Variants in LAMA2 observed in about 807,000 individuals in gnomAD.
LAMA2 encodes laminin subunit alpha 2, also known as laminin subunit alpha-2.
LAMA2 carries 269 observed loss-of-function variants against 364.8 expected under a neutral mutation model. The observed-to-expected ratio is 0.74, with a 90% CI of 0.67 to 0.82. LAMA2 has a LOEUF of 0.82. Ranked by LOEUF, LAMA2 falls within the 40% of genes least tolerant of loss-of-function variation. LAMA2 has a pLI of 0.00. For synonymous variants in LAMA2, 1,379 were observed against 1,370.6 expected, an observed-to-expected ratio of 1.01 and a Z score of -0.14; for missense variants, 3,807 against 3,873.2, an observed-to-expected ratio of 0.98 and a Z score of 0.45.
chr6:128,935,970 C>T (rs2114528297), intron 1 of LAMA2, among the ~76,000 whole-genome samples: 1 of 152,242 alleles, frequency 6.6e-6, no homozygotes, highest in Non-Finnish European at 1.5e-5. Flanking sequence ...ATCATGGAGG[C>T]CAGTTTCCCC....
chr6:128,954,609 C>A (rs772553441), intron 1 of LAMA2, among the ~76,000 whole-genome samples: 1 of 151,918 alleles, frequency 6.6e-6, no homozygotes, highest in Non-Finnish European at 1.5e-5. Flanking sequence ...TTCCTTGATT[C>A]AATTTCTACT....
chr6:129,139,077 G>A (rs779483598), intron 4 of LAMA2, among the ~76,000 whole-genome samples: 4 of 152,116 alleles, frequency 2.6e-5, no homozygotes, highest in Non-Finnish European at 5.9e-5. Context: ...AAGGACGTTG[G>A]TGACTTTCCC....
At chr6:129,131,649 C>A (rs1183937333) in intron 4 of LAMA2, among the ~76,000 whole-genome samples, 2 of 152,204 alleles carry the variant, frequency 1.3e-5, no homozygotes, top group African/African-American at 4.8e-5. Context: ...TCGAGGTGCA[C>A]AGAGCCAACA....
chr6:128,951,884 A>G (rs1413630277), intron 1 of LAMA2, among the ~76,000 whole-genome samples: 1 of 152,194 alleles, frequency 6.6e-6, no homozygotes, highest in Admixed American at 6.5e-5. Flanking sequence ...CAGGCCAGGT[A>G]TGGTGGCTCA....
intron 1 of LAMA2, among the ~76,000 whole-genome samples, chr6:129,021,776 T>A (rs1785467087): frequency 6.6e-6 from 1 of 152,176 alleles, no homozygotes; most frequent in Non-Finnish European, 1.5e-5. Flanking sequence ...GGGAAGAAAG[T>A]CAGAAAAGCT....
intron 1 of LAMA2, chr6:128,929,636 T>C: frequency 7.1e-7 from 1 of 1,412,654 alleles, no homozygotes; most frequent in Non-Finnish European, 1.0e-6. Flanking sequence ...TGCTCAAATA[T>C]GGAATAGTGA....
At chr6:129,055,056 G>C (rs1788373069) in intron 2 of LAMA2, among the ~76,000 whole-genome samples, 1 of 150,956 alleles carries the variant, frequency 6.6e-6, no homozygotes. Context: ...AACCAAAAAT[G>C]AATCAATTAT....
chr6:128,978,613 G>A (rs1445981945), intron 1 of LAMA2, among the ~76,000 whole-genome samples: 1 of 152,056 alleles, frequency 6.6e-6, no homozygotes, highest in African/African-American at 2.4e-5. Flanking sequence ...ACCATGCCCG[G>A]TCAGTACCTG....
Position 129,503,430 on chromosome 6 carries a change from A to G in LAMA2, c.8547+150A>G, listed in dbSNP as rs548613631. ...ATAAGTGCCATATACAACTACCACA[A>G]TCTTGGAAAATGTGCTCAGACCTGT... On this transcript the variant is annotated intron_variant, in intron 60 of 64. Transcript: ENST00000421865. The G allele has an allele frequency of 1.3e-4, 96 of 750,310 alleles. 2 individuals carry two copies. The South Asian group carries it at 1.3e-3, about 10-fold the overall frequency. 46.5% of individuals were successfully genotyped at this position (750,310 alleles called of 1,614,324 possible).
chr6:128,910,163 C>A (rs1432516540), intron 1 of LAMA2, among the ~76,000 whole-genome samples: 1 of 152,044 alleles, frequency 6.6e-6, no homozygotes, highest in Non-Finnish European at 1.5e-5. Flanking sequence ...CTCTGTATTT[C>A]CTGAATCTGA....
At chr6:129,010,700 T>C (rs1308974156) in intron 1 of LAMA2, among the ~76,000 whole-genome samples, 4 of 152,212 alleles carry the variant, frequency 2.6e-5, no homozygotes, top group Non-Finnish European at 5.9e-5. Flanking sequence ...ATTACTTTAT[T>C]ATTTGTCGTG....
At chr6:128,975,009 G>A (rs900608776) in intron 1 of LAMA2, among the ~76,000 whole-genome samples, 2 of 151,878 alleles carry the variant, frequency 1.3e-5, no homozygotes, top group Non-Finnish European at 2.9e-5. Context: ...CCACCACCAT[G>A]CCCAGCTAAT....
At chr6:129,075,296 G>A (rs907485834) in intron 3 of LAMA2, among the ~76,000 whole-genome samples, 2 of 152,124 alleles carry the variant, frequency 1.3e-5, no homozygotes, top group African/African-American at 2.4e-5. Flanking sequence ...GGAACCTAGT[G>A]ATCAAGAGCA....
intron 30 of LAMA2, among the ~76,000 whole-genome samples, chr6:129,344,577 T>C (rs556046242): frequency 6.6e-6 from 1 of 152,206 alleles, no homozygotes; most frequent in South Asian, 2.1e-4. Context: ...CAGGAGCAGA[T>C]GAAGGAAGAG....
intron 16 of LAMA2, among the ~76,000 whole-genome samples, chr6:129,269,415 G>T (rs1787765615): frequency 6.8e-6 from 1 of 147,840 alleles, no homozygotes; most frequent in Non-Finnish European, 1.5e-5. Context: ...CAGTTTTCTG[G>T]TTTCCACTAC....
At chr6:129,365,662 C>T (rs977809898) in intron 32 of LAMA2, among the ~76,000 whole-genome samples, 1 of 141,932 alleles carries the variant, frequency 7.0e-6, no homozygotes, top group Non-Finnish European at 1.6e-5. Flanking sequence ...CACACCCGGC[C>T]TTCTTTAGAC....
chr6:129,017,922 T>G (rs937129939), intron 1 of LAMA2, among the ~76,000 whole-genome samples: 8 of 152,048 alleles, frequency 5.3e-5, no homozygotes, highest in African/African-American at 1.9e-4. Context: ...TTATGTTAGA[T>G]CTTGTAGGTC....
At chr6:129,281,596 C>T (rs973137111) in intron 18 of LAMA2, among the ~76,000 whole-genome samples, 4 of 152,162 alleles carry the variant, frequency 2.6e-5, no homozygotes, top group African/African-American at 9.7e-5. Flanking sequence ...TTTTCCCATC[C>T]TTGCCCTCAG....
At chr6:129,402,200 C>G (rs1381727281) in intron 38 of LAMA2, 124 bp from the exon 39 acceptor site, 21 of 695,878 alleles carry the variant, frequency 3.0e-5, no homozygotes, top group Non-Finnish European at 4.4e-5. Flanking sequence ...CAGAGCAAGA[C>G]TCTGTCTCAA....
Sources: gnomAD v4.1 joint callset for allele counts (sites outside exome capture counted in the v4.1 genomes callset) on GRCh38, gnomAD v4.1.1 for gene constraint, MANE v1.5 for transcripts, NCBI Gene and HGNC (gene_info 2026-07-23, HGNC 2026-07-21) for gene names.